The following LOC400499 variants were observed in gnomAD, a reference collection of about 807,000 sequenced individuals.
chr16:11,469,797 C>T, the LOC400499 span: 5 of 396,938 alleles, frequency 1.3e-5, no homozygotes, highest in African/African-American at 4.1e-5. Flanking sequence ...TTGTAAAGCT[C>T]TGCAGAACAG....
At chr16:11,416,335 G>C in the LOC400499 span, among the ~76,000 whole-genome samples, 1 of 152,140 alleles carries the variant, frequency 6.6e-6, no homozygotes, top group Non-Finnish European at 1.5e-5. Flanking sequence ...CAAGAGCCAA[G>C]TCTCCATAAT....
At chr16:11,407,689 G>A in the LOC400499 span, among the ~76,000 whole-genome samples, 4 of 152,298 alleles carry the variant, frequency 2.6e-5, no homozygotes, top group African/African-American at 4.8e-5. Flanking sequence ...GCCTGGGTGC[G>A]TGTCAGCATC....
chr16:11,488,881 G>C, the LOC400499 span: 29 of 398,854 alleles, frequency 7.3e-5, no homozygotes, highest in Middle Eastern at 1.3e-3. Flanking sequence ...GAATAGAGTC[G>C]TGGGCAGCAG....
the LOC400499 span, among the ~76,000 whole-genome samples, chr16:11,451,291 A>G: frequency 8.5e-5 from 13 of 152,232 alleles, no homozygotes; most frequent in Admixed American, 8.5e-4. Context: ...ATAATAAAAC[A>G]TTGGAAGGTC....
chr16:11,497,905 T>G, the LOC400499 span, among the ~76,000 whole-genome samples: 3 of 152,200 alleles, frequency 2.0e-5, no homozygotes, highest in African/African-American at 7.2e-5. Flanking sequence ...TACTTACACT[T>G]CAGTTAGAAG....
the LOC400499 span, among the ~76,000 whole-genome samples, chr16:11,435,441 A>G: frequency 6.6e-6 from 1 of 152,142 alleles, no homozygotes; most frequent in Non-Finnish European, 1.5e-5. Flanking sequence ...TCTACAACGA[A>G]CACTCTCATA....
chr16:11,484,897 C>T, the LOC400499 span: 4 of 399,202 alleles, frequency 1.0e-5, no homozygotes, highest in Admixed American at 4.4e-5. Context: ...GTAGGTATCT[C>T]ATCCTTCTGT....
chr16:11,501,330 C>T, the LOC400499 span, among the ~76,000 whole-genome samples: 2 of 151,994 alleles, frequency 1.3e-5, no homozygotes, highest in East Asian at 1.9e-4. Flanking sequence ...ATTTAAACCT[C>T]GAATACTCAG....
chr16:11,387,076 G>A, the LOC400499 span: 1 of 1,231,238 alleles, frequency 8.1e-7, no homozygotes, highest in African/African-American at 1.5e-5. Context: ...GGGGCTCTCA[G>A]GGAGGAGGGC....
At chr16:11,403,509 A>G in the LOC400499 span, among the ~76,000 whole-genome samples, 2 of 152,088 alleles carry the variant, frequency 1.3e-5, no homozygotes, top group African/African-American at 4.8e-5. Flanking sequence ...ACATACACGC[A>G]TGCACACTGC....
the LOC400499 span, chr16:11,392,351 C>T: frequency 7.5e-6 from 3 of 398,922 alleles, no homozygotes; most frequent in African/African-American, 2.1e-5. Flanking sequence ...CTGGCAGCCG[C>T]GCGCGGCCAG....
At chr16:11,512,172 C>T in the LOC400499 span, among the ~76,000 whole-genome samples, 1 of 152,076 alleles carries the variant, frequency 6.6e-6, no homozygotes, top group Non-Finnish European at 1.5e-5. Context: ...ATCTCAGCTA[C>T]TCAGGAGGCT....
At chr16:11,497,796 G>T in the LOC400499 span, among the ~76,000 whole-genome samples, 4 of 150,546 alleles carry the variant, frequency 2.7e-5, no homozygotes, top group East Asian at 1.9e-4. Context: ...AAACCACATC[G>T]CAAAGAGAAG....
At chr16:11,408,445 T>C in the LOC400499 span, among the ~76,000 whole-genome samples, 2 of 138,626 alleles carry the variant, frequency 1.4e-5, no homozygotes, top group African/African-American at 5.2e-5. Flanking sequence ...AAATTGTCAG[T>C]GCAGGATTTT....
At chr16:11,490,577 T>C in the LOC400499 span, among the ~76,000 whole-genome samples, 1 of 152,062 alleles carries the variant, frequency 6.6e-6, no homozygotes, top group African/African-American at 2.4e-5. Context: ...GGTGGCCACC[T>C]GTAGTCCTAG....
chr16:11,411,599 G>A, the LOC400499 span, among the ~76,000 whole-genome samples: 1 of 152,182 alleles, frequency 6.6e-6, no homozygotes, highest in South Asian at 2.1e-4. Context: ...CTTCTTGGTT[G>A]TCCCTCTCTG....
the LOC400499 span, among the ~76,000 whole-genome samples, chr16:11,505,695 C>T: frequency 1.3e-5 from 2 of 151,892 alleles, no homozygotes; most frequent in Non-Finnish European, 2.9e-5. Context: ...GTGATCCACC[C>T]ACCTCAGCCT....
At chr16:11,485,863 G>C in the LOC400499 span, among the ~76,000 whole-genome samples, 1 of 152,326 alleles carries the variant, frequency 6.6e-6, no homozygotes, top group East Asian at 1.9e-4. Context: ...AAAGATGGAT[G>C]AGTGGGAAAA....
chr16:11,422,478 A>C, the LOC400499 span, among the ~76,000 whole-genome samples: 2 of 152,198 alleles, frequency 1.3e-5, no homozygotes, highest in Non-Finnish European at 1.5e-5. Context: ...GAAGCAAAGG[A>C]AAAGAAAGGA....
Sources: gnomAD v4.1 joint callset for allele counts (sites outside exome capture counted in the v4.1 genomes callset) on GRCh38, gnomAD v4.1.1 for gene constraint, MANE v1.5 for transcripts.